FBXW9: variants seen among roughly 807,000 people sequenced by gnomAD.
FBXW9 encodes the protein F-box/WD repeat-containing protein 9.
In FBXW9, 38 loss-of-function variants were observed where a neutral mutation model predicts 55.8. The ratio of observed to expected loss-of-function variants is 0.68; its 90% confidence interval spans 0.53 to 0.89. The LOEUF (loss-of-function observed/expected upper bound fraction) is 0.89. FBXW9 is among the 40% of genes least tolerant of loss of function. FBXW9 has a pLI of 0.00. For missense variants in FBXW9, 590 were observed against 619.4 expected, an observed-to-expected ratio of 0.95 and a Z score of 0.50; for synonymous variants, 289 against 278.2, an observed-to-expected ratio of 1.04 and a Z score of -0.38.
At chr19:12,694,246 CAGG>C (rs1292860748) in intron 3 of FBXW9, among the ~76,000 whole-genome samples, 1 of 146,632 alleles carries the variant, frequency 6.8e-6, no homozygotes, top group Non-Finnish European at 1.5e-5. Context: ...GAGGCTGAGG[CAGG>C]AGAACCGCTT....
Position 12,694,931 on chromosome 19 carries a change from GTTC to G in FBXW9, c.414_416del (p.Lys138del). The G allele has an allele frequency of 1.2e-6, 2 of 1,613,120 alleles. No individual in the cohort carries two copies. Among genetic ancestry groups the G allele is most frequent in the Non-Finnish European group, 1.7e-6 (2 of 1,179,950 alleles). On this transcript the variant is annotated inframe_deletion, in exon 2 of 10. Transcript: ENST00000393261. Reference sequence around the variant, plus strand: ...CAATGCAGGCTGCCGGCCAGTCAAAGTTCTTCTCTGTGGGTTACCACGAGTAGG... The same window carrying G: ...CAATGCAGGCTGCCGGCCAGTCAAAGTTCTCTGTGGGTTACCACGAGTAGG...
In FBXW9 at chr19:12,691,341, CTT is replaced by C; in HGVS notation, c.790_791del (p.Lys264GlyfsTer13). On this transcript the variant is annotated frameshift_variant and splice_region_variant, in exon 4 of 10. Coordinates refer to ENST00000393261, the MANE Select transcript of FBXW9 (RefSeq NM_032301.3). LOFTEE classifies it high-confidence loss of function. ...AADGQQFGEI[K>X]ASSAVLCLSY... ...GGCCCCCTGCCCAGGCCCCCACACA[CTT>C]TATCTCGCCGAACTGCTGCCCATCC... 6.2e-7 allele frequency: 1 copy of C among 1,613,952 alleles called. No individual in the cohort carries two copies. Among genetic ancestry groups the C allele is most frequent in the Non-Finnish European group, 8.5e-7 (1 of 1,179,884 alleles).
rs2024972608 is a variant in FBXW9, at chr19:12,689,506, A to C, written c.1236+35T>G. On this transcript the variant is annotated intron_variant, in intron 8 of 9. Transcript: ENST00000393261. The surrounding 1 kb of genome is among the most constrained non-coding windows in gnomAD (Gnocchi z 5.9). ...TGATGGAGGTAGGGGAGAGGCAGGG[A>C]CTGTCCTGGGGTGGGGGCTGGGCAG... The C allele has an allele frequency of 2.5e-6, 4 of 1,612,426 alleles. No individual in the cohort carries two copies. The African/African-American group carries it at 5.3e-5, about 22-fold the overall frequency.
intron 4 of FBXW9, 41 bp downstream of exon 4, chr19:12,691,301 G>T (rs768688705): frequency 6.2e-7 from 1 of 1,613,474 alleles, no homozygotes; most frequent in Non-Finnish European, 8.5e-7. Flanking sequence ...GGCCAGACAG[G>T]GTCCTATCCC....
Position 12,689,448 on chromosome 19 carries a change from G to A in FBXW9, c.1237-11C>T, listed in dbSNP as rs376558079. 1.6e-4 allele frequency: 255 copies of A among 1,614,038 alleles called. No individual in the cohort carries two copies. The highest frequency in any genetic ancestry group is 2.5e-4 in the Admixed American group (15 of 60,004). ...TGTGGGCACGTGCACCTAGTGAGGG[G>A]CAATGGGCGAGGTCAAGAGGTGTGC... On this transcript the variant is annotated splice_polypyrimidine_tract_variant and intron_variant, in intron 8 of 9. Transcript: ENST00000393261. The surrounding 1 kb of genome is among the most constrained non-coding windows in gnomAD (Gnocchi z 5.9).
rs763377976 is a variant in FBXW9, at chr19:12,694,685, T to C, written c.587A>G (p.Asn196Ser). The change falls in exon 3 of 10, where the codon AAC (asparagine) becomes AGC (serine). Residue 196 changes from asparagine (N) to serine (S), a missense_variant. Coordinates refer to ENST00000393261, the MANE Select transcript of FBXW9 (RefSeq NM_032301.3). Reference sequence around the variant, plus strand: ...CTGCCGCAGGTCCCACAAGTTGACGTTGCGATCTCGGGAGCCCGACAGACA... The same window carrying C: ...CTGCCGCAGGTCCCACAAGTTGACGCTGCGATCTCGGGAGCCCGACAGACA... ...SLCLSGSRDRNVNLWDLRQLG... is the reference protein window; with the variant it reads ...SLCLSGSRDRSVNLWDLRQLG... The C allele has an allele frequency of 1.3e-5, 21 of 1,614,094 alleles. No individual in the cohort carries two copies. The highest frequency in any genetic ancestry group is 6.7e-5 in the East Asian group (3 of 44,894).
Position 12,693,971 on chromosome 19 carries a change from C to T in FBXW9, c.678+623G>A, listed in dbSNP as rs957603741. 7.9e-5 allele frequency among the ~76,000 whole-genome samples: 12 copies of T among 151,226 alleles called. No homozygotes were observed. The East Asian group carries it at 9.8e-4, about 12-fold the overall frequency. ...TTGGGAGGCTGAGGCGGGCAGACCACGAGGTCTGGAGATCGAGACCATCCT... is the reference window on the plus strand; with the variant it reads ...TTGGGAGGCTGAGGCGGGCAGACCATGAGGTCTGGAGATCGAGACCATCCT... On this transcript the variant is annotated intron_variant, in intron 3 of 9. Coordinates refer to ENST00000393261, the MANE Select transcript of FBXW9 (RefSeq NM_032301.3).
In FBXW9 at chr19:12,689,213, T is replaced by C. The variant is rs763104668; in HGVS notation, c.*3A>G. ...GGCAGTATCCACATCCACGCCCACC[T>C]GCTCAGGCCTGCAGCCTCCAGACCT... On this transcript the variant is annotated 3_prime_UTR_variant, in exon 10 of 10. Coordinates refer to ENST00000393261, the MANE Select transcript of FBXW9 (RefSeq NM_032301.3). The surrounding 1 kb of genome is among the most constrained non-coding windows in gnomAD (Gnocchi z 5.9). 1 of 1,599,070 alleles carries C rather than the reference T, an allele frequency of 6.3e-7. No individual in the cohort carries two copies. The highest frequency in any genetic ancestry group is 1.1e-5 in the South Asian group (1 of 90,782).
At chr19:12,693,526 AAAAATATAT>A (rs2025032592) in intron 3 of FBXW9, among the ~76,000 whole-genome samples, 1 of 19,488 alleles carries the variant, frequency 5.1e-5, no homozygotes, top group African/African-American at 1.9e-4. Flanking sequence ...AAAAAAAAAA[AAAAATATAT>A]ATATATATAT....
chr19:12,694,802 GAGC>G lies in FBXW9; in HGVS notation c.543_545del (p.Leu182del). 6.2e-7 allele frequency: 1 copy of G among 1,614,040 alleles called. No homozygotes were observed. On this transcript the variant is annotated inframe_deletion, in exon 2 of 10. Coordinates refer to ENST00000393261, the MANE Select transcript of FBXW9 (RefSeq NM_032301.3). ...CCCCCCACAGACCCCGTCTCACCTGGAGCAGCAGCACTGAGTCAACGGAAGCCA... is the reference window on the plus strand; with the variant it reads ...CCCCCCACAGACCCCGTCTCACCTGGAGCAGCACTGAGTCAACGGAAGCCA...
chr19:12,694,705 C>CA lies in FBXW9; in HGVS notation c.566dup (p.Ser190ValfsTer31), dbSNP rs1356320453. On this transcript the variant is annotated frameshift_variant, in exon 3 of 10. Coordinates refer to ENST00000393261, the MANE Select transcript of FBXW9 (RefSeq NM_032301.3). LOFTEE classifies it high-confidence loss of function. ...TGACGTTGCGATCTCGGGAGCCCGA[C>CA]AGACAGAGTGACCCACCCTGGAAAG... 1 of 1,614,132 alleles carries CA rather than the reference C, an allele frequency of 6.2e-7. No homozygotes were observed. The highest frequency in any genetic ancestry group is 1.7e-5 in the Admixed American group (1 of 60,028).
intron 3 of FBXW9, among the ~76,000 whole-genome samples, chr19:12,693,557 TATATACACAC>T (rs1487809436): frequency 0.031 from 523 of 16,676 alleles, 11 homozygotes; most frequent in Non-Finnish European, 0.048. Context: ...TATATATATA[TATATACACAC>T]ACACACACAC....
In FBXW9 at chr19:12,694,958, G is replaced by C. The variant is rs768814757; in HGVS notation, c.410-20C>G. On this transcript the variant is annotated intron_variant, in intron 1 of 9. Transcript: ENST00000393261. ...TCTTCTCTGTGGGTTACCACGAGTA[G>C]GGTGCCCAGTGGGCAGGGACCCTAG... is the stretch of plus-strand genomic sequence containing the variant. 3 of 1,607,964 alleles carry C rather than the reference G, an allele frequency of 1.9e-6. No individual in the cohort carries two copies. Among genetic ancestry groups the C allele is most frequent in the Non-Finnish European group, 1.7e-6 (2 of 1,178,534 alleles).
rs1568327200 is a variant in FBXW9, at chr19:12,696,189, G to C, written c.393C>G (p.Pro131=). 1.2e-5 allele frequency: 18 copies of C among 1,542,490 alleles called. No individual in the cohort carries two copies. The highest frequency in any genetic ancestry group is 1.6e-5 in the Non-Finnish European group (18 of 1,146,656). ...CCCGCGCACCTTCCACCACTGGGTA[G>C]GGCGCGCGTACGCGGCGTAGCGCGC... ...RLRALRRVRA[P]YPVVEEKNFD... is the part of the protein sequence containing the mutation. Residue 131 remains proline, a synonymous_variant, in exon 1 of 10, where the codon CCC becomes CCG. Transcript: ENST00000393261.
chr19:12,693,501 GAAAAAAAA>G (rs1214446276), intron 3 of FBXW9, among the ~76,000 whole-genome samples: 12 of 2,130 alleles, frequency 5.6e-3, no homozygotes, highest in Admixed American at 0.03. Flanking sequence ...TCTACTAAAG[GAAAAAAAA>G]AAAAAAAAAA....
Position 12,696,038 on chromosome 19 carries a change from C to T in FBXW9, c.409+135G>A, listed in dbSNP as rs541964565. 19 of 956,746 alleles carry T rather than the reference C, an allele frequency of 2.0e-5. 1 individual carries two copies. The South Asian group carries it at 3.3e-4, about 17-fold the overall frequency. 59.3% of individuals were successfully genotyped at this position (956,746 alleles called of 1,614,324 possible). A position where few individuals can be genotyped will look rare whatever the true frequency, so the allele number is the denominator to read the frequency against. On this transcript the variant is annotated intron_variant, in intron 1 of 9. Transcript: ENST00000393261. ...CACCACCAGTAACTACCTTAGCCTC[C>T]AGCCTGAGCCAGGACAGCCACGAAG...
intron 3 of FBXW9, among the ~76,000 whole-genome samples, chr19:12,693,528 AAATATATATATATATATATAT>A (rs2025033050): frequency 7.1e-5 from 1 of 14,052 alleles, no homozygotes; most frequent in African/African-American, 2.6e-4. Flanking sequence ...AAAAAAAAAA[AAATATATATATATATATATAT>A]ATATATATAT....
rs957559431 is a variant in FBXW9 at position 12,694,972 on chromosome 19, C to G, written c.410-34G>C. ...TACCACGAGTAGGGTGCCCAGTGGG[C>G]AGGGACCCTAGCACCCATGCCAGCT... is the stretch of plus-strand genomic sequence containing the variant. On this transcript the variant is annotated intron_variant, in intron 1 of 9. Transcript: ENST00000393261. 10 of 1,600,248 alleles carry G rather than the reference C, an allele frequency of 6.2e-6. No individual in the cohort carries two copies. In the Admixed American group the frequency reaches 1.0e-4, roughly 16 times the overall value.
At chr19:12,692,094 G>A (rs969786085) in intron 3 of FBXW9, among the ~76,000 whole-genome samples, 7 of 148,702 alleles carry the variant, frequency 4.7e-5, no homozygotes, top group Admixed American at 4.1e-4. Flanking sequence ...AGGTCTTGCT[G>A]TGTCATCCAG....
Sources: gnomAD v4.1 joint callset for allele counts (sites outside exome capture counted in the v4.1 genomes callset) on GRCh38, gnomAD v4.1.1 for gene constraint, Gnocchi (gnomAD v3.1) non-coding constraint, MANE v1.5 for transcripts, NCBI Gene and HGNC (gene_info 2026-07-23, HGNC 2026-07-21) for gene names.